The following ZNF680 variants were observed in gnomAD, a reference collection of about 807,000 sequenced individuals.
ZNF680 encodes the protein hypothetical protein FLJ90430.
ZNF680 carries 6 observed loss-of-function variants against 12.1 expected under a neutral mutation model. That is an observed-to-expected ratio of 0.49 (90% CI 0.27 to 0.98). ZNF680 has a LOEUF of 0.98. Ranked by LOEUF, ZNF680 falls within the 50% of genes least tolerant of loss-of-function variation. ZNF680 has a pLI of 0.12. For synonymous variants in ZNF680, 170 were observed against 199.3 expected, an observed-to-expected ratio of 0.85 and a Z score of 1.24; for missense variants, 561 against 616.3, an observed-to-expected ratio of 0.91 and a Z score of 0.95.
Position 64,544,420 on chromosome 7 carries a change from A to G in ZNF680, c.43T>C (p.Phe15Leu). 2 of 1,596,272 alleles carry G rather than the reference A, an allele frequency of 1.3e-6. No homozygotes were observed. Among genetic ancestry groups the G allele is most frequent in the Non-Finnish European group, 1.7e-6 (2 of 1,170,890 alleles). ...GAGAATTCTATGGCCACATCCCTAA[A>G]TGTCAGTGGTCCCTGAAAAACACAC... ...PGSLEMGPLT[F>L]RDVAIEFSLE... The change falls in exon 2 of 4, where the codon TTT becomes CTT. Residue 15 changes from phenylalanine (F) to leucine (L), a missense_variant. Coordinates refer to ENST00000309683, the MANE Select transcript of ZNF680 (RefSeq NM_178558.5).
chr7:64,522,215 TTC>T lies in ZNF680; in HGVS notation c.537_538del (p.Lys180GlyfsTer5). 1.2e-6 allele frequency: 2 copies of T among 1,612,624 alleles called. No individual in the cohort carries two copies. Among genetic ancestry groups the T allele is most frequent in the South Asian group, 2.2e-5 (2 of 91,026 alleles). Reference sequence around the variant, plus strand: ...GCCACATTCTTTACATTTGAAAACCTTCTTTCCAGTATTTCTTTTCTTATGAC... The same window carrying T: ...GCCACATTCTTTACATTTGAAAACCTTTTCCAGTATTTCTTTTCTTATGAC... On this transcript the variant is annotated frameshift_variant, in exon 4 of 4. Transcript: ENST00000309683. LOFTEE classifies it low-confidence loss of function (END_TRUNC).
At chr7:64,533,266 C>A (rs1295046284) in intron 3 of ZNF680, among the ~76,000 whole-genome samples, 1 of 152,014 alleles carries the variant, frequency 6.6e-6, no homozygotes, top group Non-Finnish European at 1.5e-5. Flanking sequence ...TCTTGAAAAC[C>A]CCAAAGACTC....
At chr7:64,536,656 A>G (rs1786184553) in intron 3 of ZNF680, among the ~76,000 whole-genome samples, 1 of 152,238 alleles carries the variant, frequency 6.6e-6, no homozygotes, top group East Asian at 1.9e-4. Context: ...ACACCATAGC[A>G]TAGAACAACT....
At chr7:64,515,017 T>C (rs941226536), downstream of ZNF680, among the ~76,000 whole-genome samples, 3 of 150,798 alleles carry the variant, frequency 2.0e-5, no homozygotes, top group Non-Finnish European at 4.4e-5. Flanking sequence ...CACTCCAGCC[T>C]GGGCAACAAG....
chr7:64,499,563 C>A, the ZNF680 span, among the ~76,000 whole-genome samples: 6 of 152,174 alleles, frequency 3.9e-5, no homozygotes. Context: ...CGAGACCAGC[C>A]TGGCCATCAT....
At chr7:64,499,760 C>CA in the ZNF680 span, among the ~76,000 whole-genome samples, 3 of 152,106 alleles carry the variant, frequency 2.0e-5, no homozygotes, top group Non-Finnish European at 4.4e-5. Flanking sequence ...ACAAAACAAA[C>CA]AAAAAACAGC....
chr7:64,524,614 A>G (rs1446599336), intron 3 of ZNF680: 1 of 152,200 alleles, frequency 6.6e-6, no homozygotes, highest in Non-Finnish European at 1.5e-5. Flanking sequence ...ACTTTCTGTA[A>G]TAAAGATTTT....
At chr7:64,510,999 C>T in the ZNF680 span, among the ~76,000 whole-genome samples, 1 of 150,812 alleles carries the variant, frequency 6.6e-6, no homozygotes, top group African/African-American at 2.4e-5. Flanking sequence ...AGGCCAGGCA[C>T]GGTGGCTCAT....
At chr7:64,538,896 G>A (rs554844956) in intron 3 of ZNF680, among the ~76,000 whole-genome samples, 5 of 152,026 alleles carry the variant, frequency 3.3e-5, no homozygotes, top group Non-Finnish European at 4.4e-5. Flanking sequence ...TTTGGAAGGC[G>A]GAGGCGGGTG....
chr7:64,523,071 T>C (rs1360866971), intron 3 of ZNF680, among the ~76,000 whole-genome samples: 1 of 152,050 alleles, frequency 6.6e-6, no homozygotes, highest in Non-Finnish European at 1.5e-5. Flanking sequence ...CATTATTATA[T>C]AAAAATACAT....
chr7:64,537,820 T>C (rs1021582292), intron 3 of ZNF680, among the ~76,000 whole-genome samples: 6 of 151,794 alleles, frequency 4.0e-5, no homozygotes, highest in African/African-American at 7.3e-5. Context: ...GTCCCAGCTA[T>C]TTGGGAGGCT....
At chr7:64,539,351 C>CAAAAAAAAAAAAAAAAAAAAAA (rs1170166478) in intron 3 of ZNF680, among the ~76,000 whole-genome samples, 2 of 48,478 alleles carry the variant, frequency 4.1e-5, no homozygotes, top group Non-Finnish European at 6.8e-5. Flanking sequence ...AACTTCGTCT[C>CAAAAAAAAAAAAAAAAAAAAAA]AAAAAAAAAA....
chr7:64,536,707 A>G (rs1786187297), intron 3 of ZNF680, among the ~76,000 whole-genome samples: 1 of 152,230 alleles, frequency 6.6e-6, no homozygotes, highest in South Asian at 2.1e-4. Flanking sequence ...GTCAAAAGCA[A>G]CAGAATATAT....
chr7:64,522,030 C>G lies in ZNF680; in HGVS notation c.724G>C (p.Glu242Gln). The change falls in exon 4 of 4, where the codon GAA becomes CAA. Residue 242 changes from glutamate (E) to glutamine (Q), a missense_variant. Transcript: ENST00000309683. ...HMGEKPYKCE[E>Q]CGKAFNQSST... The stretch of plus-strand genomic sequence containing the variant: ...GATTGGTTAAAGGCTTTGCCACATT[C>G]CTCACATTTGTAGGGTTTCTCTCCC... 6 of 1,613,132 alleles carry G rather than the reference C, an allele frequency of 3.7e-6. No homozygotes were observed. Among genetic ancestry groups the G allele is most frequent in the Non-Finnish European group, 5.1e-6 (6 of 1,179,564 alleles).
At chr7:64,540,336 G>A (rs1038851382) in intron 3 of ZNF680, among the ~76,000 whole-genome samples, 4 of 141,024 alleles carry the variant, frequency 2.8e-5, no homozygotes, top group African/African-American at 1.1e-4. Context: ...ATGGAGGCTC[G>A]CTCTGTCGCC....
At chr7:64,513,791 G>A in the ZNF680 span, among the ~76,000 whole-genome samples, 8 of 151,974 alleles carry the variant, frequency 5.3e-5, no homozygotes, top group African/African-American at 1.9e-4. Flanking sequence ...GACTACAGGT[G>A]CTTGCCACCA....
chr7:64,506,332 G>A, the ZNF680 span, among the ~76,000 whole-genome samples: 3,785 of 151,978 alleles, frequency 0.025, 152 homozygotes, highest in African/African-American at 0.085. Flanking sequence ...CTCCCCAGTA[G>A]CTGGGACTAC....
chr7:64,508,142 T>TATATATATATATATATATATACAC, the ZNF680 span, among the ~76,000 whole-genome samples: 16 of 112,188 alleles, frequency 1.4e-4, 2 homozygotes, highest in East Asian at 4.1e-3. Context: ...TATATATATA[T>TATATATATATATATATATATACAC]ACATAATTTT....
At chr7:64,553,266 C>T (rs1222363153) in intron 1 of ZNF680, among the ~76,000 whole-genome samples, 4 of 152,012 alleles carry the variant, frequency 2.6e-5, no homozygotes, top group Non-Finnish European at 2.9e-5. Flanking sequence ...TATTTAGCTA[C>T]ACCTAGATTA....
Sources: gnomAD v4.1 joint callset for allele counts (sites outside exome capture counted in the v4.1 genomes callset) on GRCh38, gnomAD v4.1.1 for gene constraint, MANE v1.5 for transcripts, NCBI Gene and HGNC (gene_info 2026-07-23, HGNC 2026-07-21) for gene names.